Variants in KCNIP4 observed in about 807,000 individuals in gnomAD.
The protein encoded by KCNIP4 is Kv channel-interacting protein 4.
In KCNIP4, 12 loss-of-function variants were observed where a neutral mutation model predicts 34.0. The observed-to-expected ratio is 0.35, with a 90% CI of 0.23 to 0.57. KCNIP4 has a LOEUF of 0.57. Ranked by LOEUF, KCNIP4 falls within the 20% of genes least tolerant of loss-of-function variation. The pLI, the probability that KCNIP4 is intolerant of heterozygous loss-of-function variation, is 0.83. For missense variants in KCNIP4, 238 were observed against 311.7 expected, an observed-to-expected ratio of 0.76 and a Z score of 1.78; for synonymous variants, 124 against 102.2, an observed-to-expected ratio of 1.21 and a Z score of -1.29.
At chr4:21,195,102 A>G (rs1416648389) in intron 1 of KCNIP4, among the ~76,000 whole-genome samples, 2 of 151,842 alleles carry the variant, frequency 1.3e-5, no homozygotes, top group African/African-American at 4.8e-5. Context: ...ACATGACCCT[A>G]CTCCTTAGCA....
intron 1 of KCNIP4, among the ~76,000 whole-genome samples, chr4:21,891,572 A>G (rs186641987): frequency 6.6e-6 from 1 of 151,240 alleles, no homozygotes; most frequent in African/African-American, 2.4e-5. Flanking sequence ...TGAGGCCAGG[A>G]CTTGGAGGGA....
At chr4:21,193,571 A>ATTTTTT (rs71655619) in intron 1 of KCNIP4, among the ~76,000 whole-genome samples, 2,473 of 119,100 alleles carry the variant, frequency 0.021, 98 homozygotes, top group African/African-American at 0.04. Context: ...GCAATTTTAA[A>ATTTTTT]TTTTTTTTTT....
chr4:21,735,267 T>C (rs1392472846), intron 1 of KCNIP4, among the ~76,000 whole-genome samples: 1 of 152,092 alleles, frequency 6.6e-6, no homozygotes, highest in Non-Finnish European at 1.5e-5. Flanking sequence ...TGAGAGCCAA[T>C]TGCTAAATTT....
At chr4:21,837,508 T>C (rs2109314938) in intron 1 of KCNIP4, among the ~76,000 whole-genome samples, 1 of 91,434 alleles carries the variant, frequency 1.1e-5, no homozygotes, top group East Asian at 3.6e-4. Context: ...CACTCCAGCC[T>C]GGGCAACAAG....
chr4:21,368,039 G>A (rs904001698), intron 1 of KCNIP4, among the ~76,000 whole-genome samples: 1 of 147,208 alleles, frequency 6.8e-6, no homozygotes, highest in Non-Finnish European at 1.5e-5. Flanking sequence ...GAAACAAGGT[G>A]GTCAGCCTGG....
chr4:21,276,569 G>A (rs1466028012), intron 1 of KCNIP4, among the ~76,000 whole-genome samples: 2 of 152,046 alleles, frequency 1.3e-5, no homozygotes, highest in African/African-American at 2.4e-5. Context: ...GCTGACAAGT[G>A]CTTTGAGTTT....
At chr4:21,211,449 C>T (rs182755284) in intron 1 of KCNIP4, among the ~76,000 whole-genome samples, 22 of 152,098 alleles carry the variant, frequency 1.4e-4, no homozygotes, top group South Asian at 2.1e-4. Context: ...AGTGCGGACC[C>T]GATTGTGAGC....
intron 1 of KCNIP4, among the ~76,000 whole-genome samples, chr4:21,945,609 T>G (rs188636877): frequency 8.5e-5 from 13 of 152,252 alleles, no homozygotes; most frequent in Admixed American, 6.5e-4. Context: ...CATTTTTAGT[T>G]GTAGATTACA....
intron 1 of KCNIP4, among the ~76,000 whole-genome samples, chr4:21,053,251 A>C (rs930480448): frequency 6.6e-6 from 1 of 152,190 alleles, no homozygotes; most frequent in Non-Finnish European, 1.5e-5. Flanking sequence ...CAAGTCAGAG[A>C]TATTTTTATG....
intron 1 of KCNIP4, among the ~76,000 whole-genome samples, chr4:21,352,562 C>G (rs1403247974): frequency 6.6e-6 from 1 of 152,220 alleles, no homozygotes; most frequent in Admixed American, 6.5e-5. Context: ...AAGGCTGCAG[C>G]CTGGCAGGGG....
rs71655615 is a variant in KCNIP4 at position 21,126,617 on chromosome 4, C to CAAAAAAAA, written c.62-243916_62-243909dup. On this transcript the variant is annotated intron_variant, in intron 1 of 8. Coordinates refer to ENST00000382152, the MANE Select transcript of KCNIP4 (RefSeq NM_025221.6). ...AACTTTGTTGAGAGAAGAGAAATAG[C>CAAAAAAAA]AAAAAAAAAAAAAAAGAAAAGAAAA... Among the ~76,000 whole-genome samples, 123 of 81,868 alleles carry CAAAAAAAA rather than the reference C, an allele frequency of 1.5e-3. 2 individuals are homozygous for CAAAAAAAA. Among genetic ancestry groups the CAAAAAAAA allele is most frequent in the African/African-American group, 4.0e-3 (94 of 23,422 alleles). 53.7% of individuals were successfully genotyped at this position (81,868 alleles called of 152,430 possible).
chr4:21,091,422 G>T (rs1205888311), intron 1 of KCNIP4, among the ~76,000 whole-genome samples: 1 of 152,148 alleles, frequency 6.6e-6, no homozygotes. Flanking sequence ...AGATAACAAG[G>T]TAATTTCATG....
intron 1 of KCNIP4, among the ~76,000 whole-genome samples, chr4:21,652,521 T>C (rs775211687): frequency 2.6e-5 from 4 of 152,072 alleles, no homozygotes; most frequent in South Asian, 2.1e-4. Flanking sequence ...GCCTGAGACA[T>C]TGGGGCCTGA....
intron 1 of KCNIP4, among the ~76,000 whole-genome samples, chr4:21,631,634 C>G (rs1745772428): frequency 6.6e-6 from 1 of 152,150 alleles, no homozygotes; most frequent in African/African-American, 2.4e-5. Context: ...GCTATGTCCT[C>G]TCAAAACACC....
At chr4:21,127,395 C>T (rs11730710) in intron 1 of KCNIP4, among the ~76,000 whole-genome samples, 24,833 of 152,174 alleles carry the variant, frequency 0.16, 2,329 homozygotes, top group Non-Finnish European at 0.21. Context: ...AACACAGAAA[C>T]GAAATCTTAT....
At chr4:20,851,021 C>T (rs541413204) in intron 2 of KCNIP4, among the ~76,000 whole-genome samples, 4 of 151,712 alleles carry the variant, frequency 2.6e-5, no homozygotes, top group African/African-American at 4.8e-5. Flanking sequence ...ATAAATCTAA[C>T]AGTAACATAT....
At chr4:21,552,031 C>CT (rs541675862) in intron 1 of KCNIP4, among the ~76,000 whole-genome samples, 6 of 110,170 alleles carry the variant, frequency 5.4e-5, no homozygotes, top group Non-Finnish European at 9.1e-5. Flanking sequence ...CAAGGGAGAG[C>CT]TTTTTTTAAA....
rs1032186231 is a variant in KCNIP4 at position 21,323,154 on chromosome 4, ATATATATATG to A, written c.62-440455_62-440446del. Among the ~76,000 whole-genome samples, 159 of 80,808 alleles carry A rather than the reference ATATATATATG, an allele frequency of 2.0e-3. 2 individuals carry two copies. The highest frequency in any genetic ancestry group is 7.7e-3 in the African/African-American group (148 of 19,290). 53.0% of individuals were successfully genotyped at this position (80,808 alleles called of 152,430 possible). A position where few individuals can be genotyped will look rare whatever the true frequency, so the allele number is the denominator to read the frequency against. ...GCATCTCTTTTGTAAGTATATATATATATATATATGTATATATATATGGAATACATGAGAT... is the reference window on the plus strand; with the variant it reads ...GCATCTCTTTTGTAAGTATATATATATATATATATATGGAATACATGAGAT... On this transcript the variant is annotated intron_variant, in intron 1 of 8. Coordinates refer to ENST00000382152, the MANE Select transcript of KCNIP4 (RefSeq NM_025221.6).
intron 1 of KCNIP4, among the ~76,000 whole-genome samples, chr4:21,769,959 C>T (rs1718667430): frequency 6.6e-6 from 1 of 152,102 alleles, no homozygotes; most frequent in Admixed American, 6.6e-5. Flanking sequence ...GCTTGGCCAG[C>T]TGCCAATCAA....
Sources: gnomAD v4.1 joint callset for allele counts (sites outside exome capture counted in the v4.1 genomes callset) on GRCh38, gnomAD v4.1.1 for gene constraint, MANE v1.5 for transcripts, NCBI Gene and HGNC (gene_info 2026-07-23, HGNC 2026-07-21) for gene names.